HDAC9: variants seen among roughly 807,000 people sequenced by gnomAD.
HDAC9 encodes MEF-2 interacting transcription repressor (MITR) protein.
A neutral mutation model predicts 139.4 loss-of-function variants in HDAC9; 41 were observed. The observed-to-expected ratio is 0.29, with a 90% CI of 0.23 to 0.38. The LOEUF is 0.38. Ranked by LOEUF, HDAC9 falls within the 10% of genes least tolerant of loss-of-function variation. The pLI is 1.00. For missense variants in HDAC9, 1,147 were observed against 1,297.0 expected (o/e 0.88, Z 1.78); for synonymous variants, 517 against 476.2 (o/e 1.09, Z -1.12).
intron 13 of HDAC9, among the ~76,000 whole-genome samples, chr7:18,741,236 T>A (rs756475906): frequency 2.6e-5 from 4 of 152,200 alleles, no homozygotes. Context: ...CTTTAAGAGA[T>A]AGAGAGAAAT....
chr7:18,656,043 G>T lies in HDAC9; in HGVS notation c.1467+7360G>T, dbSNP rs116074971. On this transcript the variant is annotated intron_variant, in intron 11 of 25. Transcript: ENST00000686413. ...ACATGAAAACTGCCAGTGGGTAGCA[G>T]TCTCTTTTTTTTTTTTTTGCATATT... 9.1e-3 allele frequency among the ~76,000 whole-genome samples: 1,329 copies of T among 145,286 alleles called. 21 individuals are homozygous for T. The highest frequency in any genetic ancestry group is 0.034 in the African/African-American group (1,266 of 37,324).
chr7:18,906,468 A>G (rs1802274820), intron 22 of HDAC9, among the ~76,000 whole-genome samples: 1 of 152,182 alleles, frequency 6.6e-6, no homozygotes. Context: ...ACAGATATAA[A>G]TGTCTTTTTC....
intron 6 of HDAC9, among the ~76,000 whole-genome samples, chr7:18,608,063 A>T (rs1020226863): frequency 6.6e-6 from 1 of 152,192 alleles, no homozygotes; most frequent in Admixed American, 6.5e-5. Context: ...TTGAAAAATG[A>T]TTCCTAATTT....
At chr7:18,820,732 G>T (rs1053807467) in intron 17 of HDAC9, among the ~76,000 whole-genome samples, 3 of 152,114 alleles carry the variant, frequency 2.0e-5, no homozygotes, top group Non-Finnish European at 4.4e-5. Flanking sequence ...AGCTAAAATG[G>T]TGAGCAAAAA....
chr7:18,761,474 G>C (rs1276371075), intron 14 of HDAC9, among the ~76,000 whole-genome samples: 1 of 152,164 alleles, frequency 6.6e-6, no homozygotes, highest in African/African-American at 2.4e-5. Context: ...CGGCAAAAGT[G>C]AAATAAATAT....
At chr7:18,146,382 G>T (rs1276956594) in intron 1 of HDAC9, among the ~76,000 whole-genome samples, 1 of 152,126 alleles carries the variant, frequency 6.6e-6, no homozygotes, top group Non-Finnish European at 1.5e-5. Flanking sequence ...GTGGTTGATT[G>T]AGACATAAAT....
chr7:18,415,176 A>G (rs1485223144), intron 1 of HDAC9, among the ~76,000 whole-genome samples: 1 of 152,100 alleles, frequency 6.6e-6, no homozygotes, highest in Non-Finnish European at 1.5e-5. Context: ...TGCTCTTTCT[A>G]ATGGCGTTAC....
intron 1 of HDAC9, among the ~76,000 whole-genome samples, chr7:18,354,551 T>C (rs540400549): frequency 4.6e-5 from 7 of 152,298 alleles, no homozygotes; most frequent in African/African-American, 1.7e-4. Context: ...AGTGGTTTGA[T>C]TCTCTACTGG....
rs115750535 is a variant in HDAC9 at position 18,730,226 on chromosome 7, A to G, written c.1909+2469A>G. On this transcript the variant is annotated intron_variant, in intron 13 of 25. Coordinates refer to ENST00000686413, the MANE Select transcript of HDAC9 (RefSeq NM_178425.4). ...AAATCCTAAGGAAATGAAATGCACC[A>G]TCTTCACTCTGCTATTCCACATATT... Among the ~76,000 whole-genome samples, 696 of 152,310 alleles carry G rather than the reference A, an allele frequency of 4.6e-3. 4 individuals carry two copies. Among genetic ancestry groups the G allele is most frequent in the Middle Eastern group, 0.014 (4 of 294 alleles).
At chr7:18,771,757 A>G (rs73683405) in intron 16 of HDAC9, among the ~76,000 whole-genome samples, 18,313 of 152,092 alleles carry the variant, frequency 0.12, 1,472 homozygotes, top group African/African-American at 0.23. Flanking sequence ...GTTTCCCTCC[A>G]TTATAATACT....
At chr7:18,217,061 C>T (rs1354964770) in intron 2 of HDAC9, among the ~76,000 whole-genome samples, 11 of 151,986 alleles carry the variant, frequency 7.2e-5, no homozygotes, top group East Asian at 1.9e-4. Context: ...AAAGAATCCA[C>T]GCAAAAAATC....
At chr7:18,604,880 A>T (rs1835023620) in intron 6 of HDAC9, among the ~76,000 whole-genome samples, 1 of 151,934 alleles carries the variant, frequency 6.6e-6, no homozygotes, top group Admixed American at 6.6e-5. Context: ...GTTAATTCCA[A>T]AATTTGTGTC....
intron 2 of HDAC9, among the ~76,000 whole-genome samples, chr7:18,189,435 C>T (rs1790169095): frequency 6.6e-6 from 1 of 152,040 alleles, no homozygotes. Context: ...CAAACCTGCA[C>T]ATTCTGTACA....
intron 1 of HDAC9, among the ~76,000 whole-genome samples, chr7:18,396,724 G>T (rs1787098485): frequency 6.6e-6 from 1 of 152,066 alleles, no homozygotes; most frequent in Admixed American, 6.6e-5. Flanking sequence ...GGTGATAATT[G>T]TGTTTAGCCA....
chr7:18,269,880 T>G (rs1348146043), intron 2 of HDAC9, among the ~76,000 whole-genome samples: 2 of 152,090 alleles, frequency 1.3e-5, no homozygotes, highest in African/African-American at 2.4e-5. Flanking sequence ...TATAACTTAT[T>G]AAGTGTTATC....
At chr7:18,938,417 A>T (rs1781801321) in intron 23 of HDAC9, among the ~76,000 whole-genome samples, 1 of 151,962 alleles carries the variant, frequency 6.6e-6, no homozygotes, top group South Asian at 2.1e-4. Flanking sequence ...AACACTGTGA[A>T]ACCCTGTCTC....
chr7:18,372,681 GC>G (rs1390227527), intron 1 of HDAC9, among the ~76,000 whole-genome samples: 1 of 152,144 alleles, frequency 6.6e-6, no homozygotes, highest in Non-Finnish European at 1.5e-5. Flanking sequence ...TATAAGCTAG[GC>G]CCAGACCTAG....
chr7:18,185,367 A>C (rs1348273663), intron 2 of HDAC9, among the ~76,000 whole-genome samples: 2 of 152,212 alleles, frequency 1.3e-5, no homozygotes, highest in Non-Finnish European at 2.9e-5. Flanking sequence ...CTCCAAGGTA[A>C]TTATAATGTG....
chr7:18,821,231 A>G (rs1322730460), intron 17 of HDAC9, among the ~76,000 whole-genome samples: 1 of 152,240 alleles, frequency 6.6e-6, no homozygotes, highest in African/African-American at 2.4e-5. Flanking sequence ...AGGCCCTACC[A>G]TTTAATAATA....
Sources: gnomAD v4.1 joint callset for allele counts (sites outside exome capture counted in the v4.1 genomes callset) on GRCh38, gnomAD v4.1.1 for gene constraint, MANE v1.5 for transcripts, NCBI Gene and HGNC (gene_info 2026-07-23, HGNC 2026-07-21) for gene names.